The following DNAH14 variants were observed in gnomAD, a reference collection of about 807,000 sequenced individuals.
DNAH14 encodes axonemal beta dynein heavy chain 14.
Under a neutral mutation model 520.9 loss-of-function variants are expected in DNAH14, and 478 were observed. The observed-to-expected ratio is 0.92, with a 90% CI of 0.85 to 0.99. The LOEUF (loss-of-function observed/expected upper bound fraction) is 0.99, where lower values mean the gene tolerates loss of function less well. Ranked by LOEUF, DNAH14 falls within the 50% of genes least tolerant of loss-of-function variation. DNAH14 has a pLI of 0.00. For missense variants in DNAH14, 4,831 were observed against 5,234.5 expected (o/e 0.92, Z 2.38); for synonymous variants, 1,581 against 1,757.2 (o/e 0.90, Z 2.51).
At chr1:225,371,677 G>C (rs936524635) in intron 77 of DNAH14, among the ~76,000 whole-genome samples, 1 of 152,048 alleles carries the variant, frequency 6.6e-6, no homozygotes, top group African/African-American at 2.4e-5. Context: ...TGAGATACTA[G>C]TAAAACAAAA....
intron 85 of DNAH14, 36 bp from the exon 86 acceptor site, chr1:225,399,018 T>C (rs2096063360): frequency 3.5e-6 from 5 of 1,426,386 alleles, no homozygotes; most frequent in Non-Finnish European, 4.8e-6. Flanking sequence ...ACTTGAACTA[T>C]GCAATTTGAC....
intron 23 of DNAH14, among the ~76,000 whole-genome samples, chr1:225,102,692 T>G (rs184974448): frequency 2.7e-4 from 41 of 152,350 alleles, no homozygotes; most frequent in South Asian, 1.5e-3. Flanking sequence ...TGTCTTCTTT[T>G]GAGAAGTGTC....
chr1:225,092,875 T>A (rs1250651036), intron 21 of DNAH14, among the ~76,000 whole-genome samples: 7 of 151,962 alleles, frequency 4.6e-5, no homozygotes, highest in Non-Finnish European at 1.0e-4. Flanking sequence ...CAAGAAACCT[T>A]CAGAGACTAC....
intron 41 of DNAH14, among the ~76,000 whole-genome samples, chr1:225,224,983 A>G (rs2090403482): frequency 6.6e-6 from 1 of 152,128 alleles, no homozygotes; most frequent in African/African-American, 2.4e-5. Flanking sequence ...TTTTTATCAC[A>G]CATATTGGAC....
intron 52 of DNAH14, among the ~76,000 whole-genome samples, chr1:225,274,636 C>T (rs1302393047): frequency 6.6e-6 from 1 of 152,132 alleles, no homozygotes; most frequent in African/African-American, 2.4e-5. Flanking sequence ...AAATGCCAAC[C>T]ATAATTCAGT....
chr1:225,059,013 G>A (rs536268851), intron 17 of DNAH14, among the ~76,000 whole-genome samples: 1 of 152,294 alleles, frequency 6.6e-6, no homozygotes, highest in Non-Finnish European at 1.5e-5. Context: ...TTGATTTGAG[G>A]TGGAGAGTTC....
In DNAH14 at chr1:225,103,800, T is replaced by C. The variant is rs543471623; in HGVS notation, c.3867+2916T>C. On this transcript the variant is annotated intron_variant, in intron 23 of 85. Coordinates refer to ENST00000682510, the MANE Select transcript of DNAH14 (RefSeq NM_001367479.1). The stretch of plus-strand genomic sequence containing the variant: ...TTAAGGAGATTTTGGGCTGAGACGA[T>C]GGGGTTTTCTAGATATACAATCATG... 4.6e-5 allele frequency among the ~76,000 whole-genome samples: 7 copies of C among 152,284 alleles called. No individual in the cohort carries two copies. In the East Asian group the frequency reaches 1.4e-3, roughly 29 times the overall value.
In DNAH14 at chr1:225,042,867, G is replaced by T; in HGVS notation, c.1521G>T (p.Leu507Phe). Reference protein sequence around the residue: ...ILNSVEVGKDLRKTYAPIFEV... With the variant: ...ILNSVEVGKDFRKTYAPIFEV... Reference sequence around the variant, plus strand: ...ATAGTGTTGAAGTGGGGAAGGATTTGAGAAAAACATATGCACCAATATTTG... The same window carrying T: ...ATAGTGTTGAAGTGGGGAAGGATTTTAGAAAAACATATGCACCAATATTTG... The change falls in exon 13 of 86, where the codon TTG becomes TTT. Residue 507 changes from leucine to phenylalanine, a missense_variant. Leu to Phe is a conservative substitution (Grantham distance 22). Coordinates refer to ENST00000682510, the MANE Select transcript of DNAH14 (RefSeq NM_001367479.1). 1.3e-6 allele frequency: 2 copies of T among 1,551,408 alleles called. No homozygotes were observed. Among genetic ancestry groups the T allele is most frequent in the South Asian group, 2.4e-5 (2 of 83,952 alleles).
At chr1:225,139,069 C>A (rs1190699896) in intron 27 of DNAH14, among the ~76,000 whole-genome samples, 1 of 152,104 alleles carries the variant, frequency 6.6e-6, no homozygotes, top group African/African-American at 2.4e-5. Flanking sequence ...ATTTTCAAGT[C>A]TTTGTTAAAA....
chr1:225,306,113 C>G (rs759563857), intron 58 of DNAH14, among the ~76,000 whole-genome samples: 1 of 152,204 alleles, frequency 6.6e-6, no homozygotes. Context: ...AGAGTGTGAA[C>G]TAATTTGTGT....
chr1:225,386,518 G>A (rs540697746), intron 81 of DNAH14, among the ~76,000 whole-genome samples: 5 of 151,994 alleles, frequency 3.3e-5, no homozygotes, highest in Non-Finnish European at 7.4e-5. Flanking sequence ...TACAAAGAAC[G>A]TAAATAAATT....
chr1:225,277,930 A>G (rs2093529020), intron 54 of DNAH14, among the ~76,000 whole-genome samples: 1 of 152,214 alleles, frequency 6.6e-6, no homozygotes, highest in African/African-American at 2.4e-5. Context: ...AAAATTAGCT[A>G]AAATTCAACA....
Position 225,270,722 on chromosome 1 carries a change from A to G in DNAH14, c.7540-13A>G, listed in dbSNP as rs2093291293. The G allele has an allele frequency of 3.2e-6, 5 of 1,549,212 alleles. No homozygotes were observed. In the East Asian group the frequency reaches 1.2e-4, roughly 38 times the overall value. Reference sequence around the variant, plus strand: ...ATACATTCAGTTACTCTTCCTTTTTATCCTTATCACAGAATATTCAAGATC... The same window carrying G: ...ATACATTCAGTTACTCTTCCTTTTTGTCCTTATCACAGAATATTCAAGATC... On this transcript the variant is annotated splice_polypyrimidine_tract_variant and intron_variant, in intron 49 of 85. Coordinates refer to ENST00000682510, the MANE Select transcript of DNAH14 (RefSeq NM_001367479.1).
At chr1:224,955,563 A>T (rs1161943498) in intron 3 of DNAH14, among the ~76,000 whole-genome samples, 1 of 151,974 alleles carries the variant, frequency 6.6e-6, no homozygotes, top group Non-Finnish European at 1.5e-5. Context: ...TGCCATTTTC[A>T]GGATTTGATT....
Position 224,986,319 on chromosome 1 carries a change from A to T in DNAH14, c.830+12166A>T, listed in dbSNP as rs79644901. On this transcript the variant is annotated intron_variant, in intron 8 of 85. Coordinates refer to ENST00000682510, the MANE Select transcript of DNAH14 (RefSeq NM_001367479.1). ...TACCAAAACCAGACAAAGGCTTATTAAAAAAAAAAAAAAAAAAAAGAAAAC... is the reference window on the plus strand; with the variant it reads ...TACCAAAACCAGACAAAGGCTTATTTAAAAAAAAAAAAAAAAAAAGAAAAC... 2.8e-5 allele frequency among the ~76,000 whole-genome samples: 3 copies of T among 105,660 alleles called. No homozygotes were observed. In the African/African-American group the frequency reaches 3.1e-4, roughly 11 times the overall value. The allele number at this position is 105,660 out of a possible 152,430, so 69.3% of individuals were successfully genotyped here. A position where few individuals can be genotyped will look rare whatever the true frequency, so the allele number is the denominator to read the frequency against.
chr1:225,374,030 G>C (rs1235261635), intron 77 of DNAH14, among the ~76,000 whole-genome samples: 2 of 148,660 alleles, frequency 1.3e-5, no homozygotes, highest in Non-Finnish European at 3.0e-5. Flanking sequence ...AATCGCCTTA[G>C]CTGGAGAGGT....
At position 225,274,197 on chromosome 1, in the gene DNAH14, A is replaced by ATTTTTTT. The variant is rs869247051; in HGVS notation, c.8010+1091_8010+1097dup. On this transcript the variant is annotated intron_variant, in intron 52 of 85. Coordinates refer to ENST00000682510, the MANE Select transcript of DNAH14 (RefSeq NM_001367479.1). ...CTCTGCATCCTCACCAGCATCTGTT[A>ATTTTTTT]TTTTTTTTTTTTTTTTTTTTTTTTT... Among the ~76,000 whole-genome samples the ATTTTTTT allele has an allele frequency of 1.4e-3, 133 of 92,856 alleles. 1 individual carries two copies. Among genetic ancestry groups the ATTTTTTT allele is most frequent in the Non-Finnish European group, 1.7e-3 (80 of 47,672 alleles). The allele number at this position is 92,856 out of a possible 152,430, so 60.9% of individuals were successfully genotyped here. A position where few individuals can be genotyped will look rare whatever the true frequency, so the allele number is the denominator to read the frequency against.
rs57900981 is a variant in DNAH14 at position 225,086,990 on chromosome 1, CCACACACACA to C, written c.3573+1238_3573+1247del. The stretch of plus-strand genomic sequence containing the variant: ...CACATTCAAGAAGCTGAAAAGAACA[CCACACACACA>C]CACACACACACACACACACACACAC... On this transcript the variant is annotated intron_variant, in intron 21 of 85. Coordinates refer to ENST00000682510, the MANE Select transcript of DNAH14 (RefSeq NM_001367479.1). Among the ~76,000 whole-genome samples, 500 of 146,566 alleles carry C rather than the reference CCACACACACA, an allele frequency of 3.4e-3. 2 individuals are homozygous for C. The highest frequency in any genetic ancestry group is 0.011 in the South Asian group (51 of 4,558).
chr1:225,040,894 A>G (rs987871015), intron 12 of DNAH14, among the ~76,000 whole-genome samples: 10 of 152,196 alleles, frequency 6.6e-5, no homozygotes, highest in African/African-American at 2.2e-4. Flanking sequence ...TTTAATGTCA[A>G]TCAGATAGGT....
Sources: allele counts gnomAD v4.1 joint callset (sites outside exome capture counted in the v4.1 genomes callset), GRCh38; gene constraint gnomAD v4.1.1; transcripts MANE v1.5; gene names NCBI Gene and HGNC (gene_info 2026-07-23, HGNC 2026-07-21).